Variants in ABLIM1 observed in about 807,000 individuals in gnomAD.
ABLIM1 encodes actin-binding LIM protein 1.
A neutral mutation model predicts 107.0 loss-of-function variants in ABLIM1; 40 were observed. The observed-to-expected ratio is 0.37, with a 90% CI of 0.29 to 0.49. The LOEUF (loss-of-function observed/expected upper bound fraction) is 0.49, where lower values mean the gene tolerates loss of function less well. Among genes scored for constraint, ABLIM1 ranks in the 20% least tolerant of loss-of-function variants. The pLI is 0.97. For missense variants in ABLIM1, 857 were observed against 1,008.5 expected, an observed-to-expected ratio of 0.85 and a Z score of 2.04; for synonymous variants, 357 against 357.3, an observed-to-expected ratio of 1.00 and a Z score of 0.01.
chr10:114,434,769 G>T lies in ABLIM1; in HGVS notation c.*1491C>A, dbSNP rs1299653617. The T allele has an allele frequency of 6.6e-6, 1 of 152,174 alleles. No individual in the cohort carries two copies. The highest frequency in any genetic ancestry group is 1.5e-5 in the Non-Finnish European group (1 of 68,040). 9.4% of individuals were successfully genotyped at this position (152,174 alleles called of 1,614,324 possible). On this transcript the variant is annotated 3_prime_UTR_variant, in exon 23 of 23. Transcript: ENST00000533213. ...GATGTGGTTTCATATGCACGCACGTGTTGGGGAAACCCTAGGCTCATATTC... is the reference window on the plus strand; with the variant it reads ...GATGTGGTTTCATATGCACGCACGTTTTGGGGAAACCCTAGGCTCATATTC...
intron 6 of ABLIM1, among the ~76,000 whole-genome samples, chr10:114,507,546 C>T (rs961311343): frequency 6.6e-6 from 1 of 152,192 alleles, no homozygotes; most frequent in South Asian, 2.1e-4. Context: ...TGCCCCAAGT[C>T]GTCTGGATTC....
intron 1 of ABLIM1, among the ~76,000 whole-genome samples, chr10:114,676,554 C>T (rs778620089): frequency 6.6e-6 from 1 of 151,874 alleles, no homozygotes; most frequent in Non-Finnish European, 1.5e-5. Flanking sequence ...TGGATTTATA[C>T]GATTATGTTT....
chr10:114,586,898 A>C (rs2074255679), intron 2 of ABLIM1, among the ~76,000 whole-genome samples: 1 of 152,228 alleles, frequency 6.6e-6, no homozygotes, highest in Non-Finnish European at 1.5e-5. Flanking sequence ...TAGTTCTTAT[A>C]CGTTAGGAAT....
intron 6 of ABLIM1, among the ~76,000 whole-genome samples, chr10:114,538,694 A>G (rs751790989): frequency 3.9e-5 from 6 of 152,360 alleles, no homozygotes; most frequent in Non-Finnish European, 5.9e-5. Flanking sequence ...CAGAATGCAC[A>G]TAAGACAACT....
upstream of ABLIM1, among the ~76,000 whole-genome samples, chr10:114,768,655 A>G (rs1458247897): frequency 7.0e-6 from 1 of 143,774 alleles, no homozygotes; most frequent in African/African-American, 2.5e-5. Context: ...CGGAAAGCCT[A>G]TGGGCGGGGT....
At chr10:114,739,433 A>T (rs1239536161) in intron 1 of ABLIM1, among the ~76,000 whole-genome samples, 1 of 152,210 alleles carries the variant, frequency 6.6e-6, no homozygotes, top group African/African-American at 2.4e-5. Flanking sequence ...AAGTATGCTA[A>T]TCTTTATCTT....
chr10:114,553,443 C>T (rs2137924395), intron 4 of ABLIM1, among the ~76,000 whole-genome samples: 1 of 152,298 alleles, frequency 6.6e-6, no homozygotes. Flanking sequence ...TAGGAATATC[C>T]TTGCAGGACT....
intron 1 of ABLIM1, among the ~76,000 whole-genome samples, chr10:114,676,473 C>T (rs1415578862): frequency 6.6e-6 from 1 of 150,410 alleles, no homozygotes; most frequent in African/African-American, 2.4e-5. Flanking sequence ...TAGACTCCAT[C>T]TCAAAAAAGA....
At chr10:114,600,839 A>C (rs1211859011) in intron 2 of ABLIM1, among the ~76,000 whole-genome samples, 1 of 151,676 alleles carries the variant, frequency 6.6e-6, no homozygotes, top group Non-Finnish European at 1.5e-5. Flanking sequence ...AACACACAAA[A>C]CCATTCTTCT....
intron 1 of ABLIM1, among the ~76,000 whole-genome samples, chr10:114,743,591 GT>G (rs1278743673): frequency 3.4e-4 from 52 of 152,282 alleles, no homozygotes; most frequent in African/African-American, 1.2e-3. Flanking sequence ...AGCATGAGGA[GT>G]TCTTGAACCT....
At chr10:114,465,970 G>T (rs1438156171) in intron 11 of ABLIM1, 143 bp from the exon 12 acceptor site, 3 of 1,012,214 alleles carry the variant, frequency 3.0e-6, no homozygotes, top group Admixed American at 3.0e-5. Flanking sequence ...TGCAAATTTT[G>T]CAGGTATTTT....
Position 114,547,411 on chromosome 10 carries a change from G to C in ABLIM1, c.800+239C>G, listed in dbSNP as rs555568029. Reference sequence around the variant, plus strand: ...ATTGGTAATGACATACAGTGTAACAGTGTCAGCTTCATTAATTGTTAAATT... The same window carrying C: ...ATTGGTAATGACATACAGTGTAACACTGTCAGCTTCATTAATTGTTAAATT... On this transcript the variant is annotated intron_variant, in intron 5 of 22. Transcript: ENST00000533213. 3 of 536,978 alleles carry C rather than the reference G, an allele frequency of 5.6e-6. No individual in the cohort carries two copies. In the South Asian group the frequency reaches 7.1e-5, roughly 13 times the overall value. The allele number at this position is 536,978 out of a possible 1,614,324, so 33.3% of individuals were successfully genotyped here.
chr10:114,765,555 G>A (rs1385282425), intron 1 of ABLIM1, among the ~76,000 whole-genome samples: 1 of 152,116 alleles, frequency 6.6e-6, no homozygotes, highest in Non-Finnish European at 1.5e-5. Flanking sequence ...CAGGAGTACA[G>A]ACAAGAGCAG....
intron 1 of ABLIM1, among the ~76,000 whole-genome samples, chr10:114,723,510 G>A (rs188358293): frequency 6.6e-6 from 1 of 152,320 alleles, no homozygotes; most frequent in Admixed American, 6.5e-5. Flanking sequence ...AGCATAAAAG[G>A]GCTGAGGGGA....
chr10:114,644,746 T>C (rs1279933223), intron 1 of ABLIM1, among the ~76,000 whole-genome samples: 2 of 152,100 alleles, frequency 1.3e-5, no homozygotes, highest in Non-Finnish European at 2.9e-5. Context: ...GAGAAACATA[T>C]AAAAGTCCCA....
chr10:114,501,650 T>C (rs2060444053), intron 6 of ABLIM1, among the ~76,000 whole-genome samples: 1 of 152,166 alleles, frequency 6.6e-6, no homozygotes, highest in Non-Finnish European at 1.5e-5. Flanking sequence ...TAAAGACAAC[T>C]ATTCCAAATG....
chr10:114,439,749 T>C (rs2059933703), intron 20 of ABLIM1: 2 of 389,736 alleles, frequency 5.1e-6, no homozygotes, highest in Middle Eastern at 7.2e-4. Flanking sequence ...TGGCCTAAAG[T>C]ACTGAGAGAT....
chr10:114,594,430 A>G (rs1037591701), intron 2 of ABLIM1, among the ~76,000 whole-genome samples: 3 of 152,154 alleles, frequency 2.0e-5, no homozygotes, highest in Admixed American at 2.0e-4. Flanking sequence ...CAATTGATAA[A>G]TCTTTGTGAC....
intron 1 of ABLIM1, among the ~76,000 whole-genome samples, chr10:114,718,084 A>G (rs2081737002): frequency 1.0e-5 from 1 of 99,880 alleles, no homozygotes; most frequent in Non-Finnish European, 2.5e-5. Flanking sequence ...GAAGGAAGGA[A>G]GGAAGGAAGG....
Sources: gnomAD v4.1 joint callset for allele counts (sites outside exome capture counted in the v4.1 genomes callset) on GRCh38, gnomAD v4.1.1 for gene constraint, MANE v1.5 for transcripts, NCBI Gene and HGNC (gene_info 2026-07-23, HGNC 2026-07-21) for gene names.